Variants in IPP observed in about 807,000 individuals in gnomAD.
IPP encodes the protein intracisternal A particle-promoted polypeptide.
A neutral mutation model predicts 64.1 loss-of-function variants in IPP; 41 were observed. That is an observed-to-expected ratio of 0.64 (90% confidence interval 0.50 to 0.83). The LOEUF (loss-of-function observed/expected upper bound fraction) is 0.83. Ranked by LOEUF, IPP falls within the 40% of genes least tolerant of loss-of-function variation. The pLI is 0.00. For synonymous variants in IPP, 214 were observed against 235.2 expected (o/e 0.91, Z 0.83); for missense variants, 649 against 703.0 (o/e 0.92, Z 0.87).
Position 45,699,659 on chromosome 1 carries a change from T to A in IPP, c.*307A>T. The A allele has an allele frequency of 9.2e-7, 1 of 1,081,448 alleles. No homozygotes were observed. Among genetic ancestry groups the A allele is most frequent in the East Asian group, 5.4e-5 (1 of 18,370 alleles). The allele number at this position is 1,081,448 out of a possible 1,614,324, so 67.0% of individuals were successfully genotyped here. A position where few individuals can be genotyped will look rare whatever the true frequency, so the allele number is the denominator to read the frequency against. On this transcript the variant is annotated 3_prime_UTR_variant, in exon 9 of 9. Transcript: ENST00000396478. ...CTCATATTTTTAGAAAAATCATTCT[T>A]GAGTTTATTTTTTTTCTTTAAGAGA...
At chr1:45,743,574 G>A (rs1646095403) in intron 2 of IPP, among the ~76,000 whole-genome samples, 1 of 152,030 alleles carries the variant, frequency 6.6e-6, no homozygotes, top group South Asian at 2.1e-4. Flanking sequence ...AAATTAGCCA[G>A]GCATGGTGGT....
intron 8 of IPP, among the ~76,000 whole-genome samples, chr1:45,711,960 TA>T (rs1645596650): frequency 6.6e-6 from 1 of 152,070 alleles, no homozygotes; most frequent in South Asian, 2.1e-4. Context: ...ACTCCTTTTT[TA>T]AAAACTGACA....
At chr1:45,736,205 G>A (rs1046056035) in intron 3 of IPP, among the ~76,000 whole-genome samples, 34 of 151,784 alleles carry the variant, frequency 2.2e-4, no homozygotes, top group Admixed American at 7.2e-4. Context: ...TGATCATCCC[G>A]CCTTGGCCTC....
intron 4 of IPP, among the ~76,000 whole-genome samples, chr1:45,728,297 C>A (rs1020368345): frequency 6.6e-6 from 1 of 150,502 alleles, no homozygotes; most frequent in African/African-American, 2.4e-5. Flanking sequence ...CACATCCAAT[C>A]GGCAAAAAAA....
chr1:45,737,056 A>AG (rs1317855771), intron 3 of IPP, among the ~76,000 whole-genome samples: 37 of 151,370 alleles, frequency 2.4e-4, no homozygotes, highest in Middle Eastern at 3.4e-3. Flanking sequence ...AAAAAAAAAA[A>AG]AAAAGAAAAA....
chr1:45,727,446 C>A (rs1403868124), intron 5 of IPP, among the ~76,000 whole-genome samples, 185 bp downstream of exon 5: 1 of 151,878 alleles, frequency 6.6e-6, no homozygotes, highest in Non-Finnish European at 1.5e-5. Context: ...TTCCCCTTCC[C>A]CTTGCCCTTC....
At chr1:45,714,111 C>A (rs990042481) in intron 8 of IPP, 135 bp downstream of exon 8, 1 of 590,974 alleles carries the variant, frequency 1.7e-6, no homozygotes, top group Admixed American at 3.4e-5. Flanking sequence ...CCAAAAGTTT[C>A]TTCTTTGGAA....
At chr1:45,732,361 CAAAAAAAA>C in intron 3 of IPP, among the ~76,000 whole-genome samples, 1 of 59,764 alleles carries the variant, frequency 1.7e-5, no homozygotes, top group South Asian at 7.0e-4. Context: ...GACTCCACCT[CAAAAAAAA>C]AAAAAAAAAA....
chr1:45,747,308 T>C (rs28576912), intron 1 of IPP, among the ~76,000 whole-genome samples: 1,773 of 152,110 alleles, frequency 0.012, 25 homozygotes, highest in African/African-American at 0.037. Context: ...CCACATATTA[T>C]GTCAATGGTA....
rs766844597 is a variant in IPP at position 45,714,376 on chromosome 1, G to A, written c.1400C>T (p.Pro467Leu). Reference sequence around the variant, plus strand: ...TCTCCTGGTTCCCATTGGAGGAAGTGGAGACCAACGCTTAGAAAGTGGATC... The same window carrying A: ...TCTCCTGGTTCCCATTGGAGGAAGTAGAGACCAACGCTTAGAAAGTGGATC... ...VYDPLSKRWSPLPPMGTRRAY... is the reference protein window; with the variant it reads ...VYDPLSKRWSLLPPMGTRRAY... Residue 467 changes from proline (P) to leucine (L), a missense_variant, in exon 8 of 9, where the codon CCA (proline) becomes CTA (leucine). Pro to Leu is a moderately conservative substitution (Grantham distance 98). Transcript: ENST00000396478. 3.7e-5 allele frequency: 60 copies of A among 1,613,846 alleles called. 1 individual carries two copies. In the Admixed American group the frequency reaches 9.8e-4, roughly 26 times the overall value.
chr1:45,714,305 C>T lies in IPP; in HGVS notation c.1471G>A (p.Gly491Arg), dbSNP rs1645628961. The part of the protein sequence containing the change: ...AALNDCIYSV[G>R]GWNETQDALH... ...GCATCTTGGGTCTCATTCCATCCTCCAACAGAATAGATGCAGTCATTGAGT... is the reference window on the plus strand; with the variant it reads ...GCATCTTGGGTCTCATTCCATCCTCTAACAGAATAGATGCAGTCATTGAGT... The change falls in exon 8 of 9, where the codon GGA (glycine) becomes AGA (arginine). Residue 491 changes from glycine to arginine, a missense_variant. Gly to Arg is a moderately radical substitution (Grantham distance 125). Coordinates refer to ENST00000396478, the MANE Select transcript of IPP (RefSeq NM_005897.3). The T allele has an allele frequency of 1.2e-6, 2 of 1,614,132 alleles. No homozygotes were observed. Among genetic ancestry groups the T allele is most frequent in the Non-Finnish European group, 1.7e-6 (2 of 1,179,998 alleles).
chr1:45,749,378 G>A (rs1458230442), intron 1 of IPP, among the ~76,000 whole-genome samples: 2 of 152,160 alleles, frequency 1.3e-5, no homozygotes, highest in Non-Finnish European at 2.9e-5. Flanking sequence ...ATTCTGTGAC[G>A]TTGCATGCCT....
intron 5 of IPP, among the ~76,000 whole-genome samples, chr1:45,726,089 A>AT (rs1645822104): frequency 3.3e-5 from 5 of 150,494 alleles, no homozygotes; most frequent in East Asian, 3.9e-4. Context: ...GATCAATAAA[A>AT]AAAATAAATA....
At position 45,714,377 on chromosome 1, in the gene IPP, G is replaced by A. The variant is rs751991307; in HGVS notation, c.1399C>T (p.Pro467Ser). The change falls in exon 8 of 9, where the codon CCA (proline) becomes TCA (serine). Residue 467 changes from proline (P) to serine (S), a missense_variant. Transcript: ENST00000396478. Reference protein sequence around the residue: ...VYDPLSKRWSPLPPMGTRRAY... With the variant: ...VYDPLSKRWSSLPPMGTRRAY... ...CTCCTGGTTCCCATTGGAGGAAGTG[G>A]AGACCAACGCTTAGAAAGTGGATCA... is the stretch of plus-strand genomic sequence containing the variant. The A allele has an allele frequency of 1.7e-5, 28 of 1,613,916 alleles. No homozygotes were observed. The Middle Eastern group carries it at 1.2e-3, about 66-fold the overall frequency.
intron 8 of IPP, among the ~76,000 whole-genome samples, chr1:45,707,409 C>T (rs1332553640): frequency 2.0e-4 from 19 of 95,270 alleles, no homozygotes; most frequent in Non-Finnish European, 3.4e-4. Flanking sequence ...GGTGACAGAG[C>T]AAGACTCCAT....
At chr1:45,701,514 T>C (rs896367275) in intron 8 of IPP, among the ~76,000 whole-genome samples, 21 of 152,154 alleles carry the variant, frequency 1.4e-4, no homozygotes, top group African/African-American at 4.6e-4. Context: ...CTCAAACTCC[T>C]GACCTCAAGT....
chr1:45,716,744 G>T, intron 7 of IPP, 151 bp downstream of exon 7: 1 of 554,550 alleles, frequency 1.8e-6, no homozygotes, highest in Non-Finnish European at 3.2e-6. Context: ...AAAAGTCAAT[G>T]ATAGGAGGTA....
intron 3 of IPP, among the ~76,000 whole-genome samples, chr1:45,735,135 G>GT (rs1645960264): frequency 6.6e-6 from 1 of 151,744 alleles, no homozygotes; most frequent in South Asian, 2.1e-4. Context: ...CCAGGCTCCA[G>GT]TGCAGTGGTG....
chr1:45,745,543 T>C (rs1009142801), intron 2 of IPP, among the ~76,000 whole-genome samples: 1 of 152,118 alleles, frequency 6.6e-6, no homozygotes, highest in Non-Finnish European at 1.5e-5. Context: ...GACAAGATTT[T>C]ATTCAATTAT....
Sources: gnomAD v4.1 joint callset for allele counts (sites outside exome capture counted in the v4.1 genomes callset) on GRCh38, gnomAD v4.1.1 for gene constraint, MANE v1.5 for transcripts, NCBI Gene and HGNC (gene_info 2026-07-23, HGNC 2026-07-21) for gene names.